EYA1: variants seen among roughly 807,000 people sequenced by gnomAD.
EYA1 encodes the protein EYA transcriptional coactivator and phosphatase 1.
Under a neutral mutation model 82.0 loss-of-function variants are expected in EYA1, and 16 were observed. The observed-to-expected ratio is 0.20, with a 90% CI of 0.13 to 0.30. The LOEUF is 0.30. EYA1 is among the 10% of genes least tolerant of loss of function. The probability of loss-of-function intolerance (pLI) is 1.00; values close to 1 mark genes in which losing one functional copy is unlikely to be tolerated. For synonymous variants in EYA1, 261 were observed against 264.4 expected, an observed-to-expected ratio of 0.99 and a Z score of 0.12; for missense variants, 633 against 730.7, an observed-to-expected ratio of 0.87 and a Z score of 1.54.
At chr8:71,262,179 T>C (rs2380716) in intron 11 of EYA1, among the ~76,000 whole-genome samples, 17,770 of 152,166 alleles carry the variant, frequency 0.12, 1,117 homozygotes, top group African/African-American at 0.13. Context: ...AAAGAAGGAG[T>C]TCATTGGATA....
At chr8:71,508,974 C>T (rs1812398686) in intron 2 of EYA1, among the ~76,000 whole-genome samples, 1 of 152,114 alleles carries the variant, frequency 6.6e-6, no homozygotes, top group Non-Finnish European at 1.5e-5. Flanking sequence ...GTAATCCCAG[C>T]ACTTTGGGAG....
intron 2 of EYA1, among the ~76,000 whole-genome samples, chr8:71,396,141 C>G (rs547909672): frequency 6.6e-6 from 1 of 152,008 alleles, no homozygotes; most frequent in African/African-American, 2.4e-5. Context: ...GGTGATATCC[C>G]CTTTCTCATT....
intron 2 of EYA1, among the ~76,000 whole-genome samples, chr8:71,489,322 C>T (rs1166718235): frequency 3.3e-5 from 5 of 151,368 alleles, no homozygotes; most frequent in Admixed American, 3.3e-4. Flanking sequence ...TTTTTCCTAC[C>T]ATAGTTTCTT....
At chr8:71,531,857 G>A (rs1814306059) in intron 2 of EYA1, among the ~76,000 whole-genome samples, 1 of 152,086 alleles carries the variant, frequency 6.6e-6, no homozygotes, top group Admixed American at 6.5e-5. Context: ...AGAGAAGAGT[G>A]GGTAGAACTT....
intron 2 of EYA1, among the ~76,000 whole-genome samples, chr8:71,424,003 T>G (rs1563600406): frequency 6.6e-6 from 1 of 152,216 alleles, no homozygotes; most frequent in African/African-American, 2.4e-5. Context: ...AAACAACAAC[T>G]TCAAATATCT....
chr8:71,374,887 G>A (rs1163692363), intron 2 of EYA1, among the ~76,000 whole-genome samples: 2 of 152,128 alleles, frequency 1.3e-5, no homozygotes, highest in African/African-American at 4.8e-5. Flanking sequence ...AAATAAGCCA[G>A]ACACAGAAAG....
At chr8:71,457,921 T>C (rs1449731086) in intron 2 of EYA1, among the ~76,000 whole-genome samples, 1 of 152,190 alleles carries the variant, frequency 6.6e-6, no homozygotes, top group African/African-American at 2.4e-5. Flanking sequence ...GGCTACTTTA[T>C]GTTAAGTTAT....
intron 2 of EYA1, among the ~76,000 whole-genome samples, chr8:71,479,729 G>C (rs1448233048): frequency 6.6e-6 from 1 of 151,012 alleles, no homozygotes; most frequent in African/African-American, 2.4e-5. Context: ...AGCTACACTG[G>C]CCCCTGAGAT....
intron 9 of EYA1, among the ~76,000 whole-genome samples, chr8:71,295,775 T>C (rs941298020): frequency 3.9e-5 from 6 of 152,190 alleles, no homozygotes; most frequent in Admixed American, 2.0e-4. Flanking sequence ...CAAATGTTTA[T>C]AGAAACTTCA....
chr8:71,446,607 T>C (rs1806899342), intron 2 of EYA1, among the ~76,000 whole-genome samples: 1 of 152,240 alleles, frequency 6.6e-6, no homozygotes, highest in Non-Finnish European at 1.5e-5. Context: ...TTGTATTTCT[T>C]GTTGAGTTGC....
Position 71,302,881 on chromosome 8 carries a change from AG to A in EYA1, c.557-3162del, listed in dbSNP as rs1820351128. Among the ~76,000 whole-genome samples the A allele has an allele frequency of 1.4e-5, 2 of 142,040 alleles. 1 individual carries two copies. The highest frequency in any genetic ancestry group is 3.2e-5 in the Non-Finnish European group (2 of 62,528). The allele number at this position is 142,040 out of a possible 152,430, so 93.2% of individuals were successfully genotyped here. Reference sequence around the variant, plus strand: ...ATCTTGTCACTCCCCTGCTAAAAAAAGTAACTTTTAATGGCTCCCTGTTGCC... The same window carrying A: ...ATCTTGTCACTCCCCTGCTAAAAAAATAACTTTTAATGGCTCCCTGTTGCC... On this transcript the variant is annotated intron_variant, in intron 7 of 17. Transcript: ENST00000340726.
intron 4 of EYA1, among the ~76,000 whole-genome samples, chr8:71,332,041 A>G (rs1823939166): frequency 6.6e-6 from 1 of 151,878 alleles, no homozygotes; most frequent in South Asian, 2.1e-4. Context: ...TTTTGTAGAG[A>G]CAGGTCTCCC....
At chr8:71,514,796 C>A (rs555471941) in intron 2 of EYA1, among the ~76,000 whole-genome samples, 190 of 152,250 alleles carry the variant, frequency 1.2e-3, no homozygotes, top group Admixed American at 2.1e-3. Context: ...CACGGCCAAA[C>A]CATATCAACT....
chr8:71,411,879 G>T (rs920151715), intron 2 of EYA1, among the ~76,000 whole-genome samples: 1 of 149,512 alleles, frequency 6.7e-6, no homozygotes, highest in African/African-American at 2.5e-5. Context: ...CCATTACTGG[G>T]TATATACCCA....
intron 2 of EYA1, among the ~76,000 whole-genome samples, chr8:71,524,851 A>T (rs1262138599): frequency 6.6e-6 from 1 of 152,260 alleles, no homozygotes; most frequent in Non-Finnish European, 1.5e-5. Flanking sequence ...AATTTAAAAA[A>T]GGTTTCTTTT....
chr8:71,458,842 T>C (rs1808153984), intron 2 of EYA1, among the ~76,000 whole-genome samples: 1 of 152,160 alleles, frequency 6.6e-6, no homozygotes, highest in Admixed American at 6.6e-5. Context: ...AATTGGATTC[T>C]GCATATACAG....
At chr8:71,425,104 CAAAAAAAAAAAA>C (rs71264555) in intron 2 of EYA1, among the ~76,000 whole-genome samples, 9 of 75,292 alleles carry the variant, frequency 1.2e-4, no homozygotes, top group African/African-American at 3.4e-4. Flanking sequence ...ACTAAAAATA[CAAAAAAAAAAAA>C]AAAAAAAAAA....
At chr8:71,483,725 A>C (rs1311582137) in intron 2 of EYA1, among the ~76,000 whole-genome samples, 1 of 152,008 alleles carries the variant, frequency 6.6e-6, no homozygotes, top group African/African-American at 2.4e-5. Context: ...AGAAGGCAAG[A>C]ATTGAAAGCA....
chr8:71,376,913 TTC>T lies in EYA1; in HGVS notation c.34-20404_34-20403del, dbSNP rs1278864235. 7.2e-5 allele frequency among the ~76,000 whole-genome samples: 11 copies of T among 152,230 alleles called. No homozygotes were observed. The East Asian group carries it at 2.1e-3, about 29-fold the overall frequency. On this transcript the variant is annotated intron_variant, in intron 2 of 18. Transcript: ENST00000643681. ...CAGGCTCCCTCCGCAGAAGCCTCCG[TTC>T]TGTCATTTCCGTATGCTATGCTCAC...
Sources: allele counts gnomAD v4.1 joint callset (sites outside exome capture counted in the v4.1 genomes callset), GRCh38; gene constraint gnomAD v4.1.1; transcripts MANE v1.5; gene names NCBI Gene and HGNC (gene_info 2026-07-23, HGNC 2026-07-21).